The following ZNG1C variants were observed in gnomAD, a reference collection of about 807,000 sequenced individuals.
The protein encoded by ZNG1C is Zn regulated GTPase metalloprotein activator 1C.
chr9:68,244,705 T>C, the ZNG1C span, among the ~76,000 whole-genome samples: 1 of 118,728 alleles, frequency 8.4e-6, no homozygotes, highest in Non-Finnish European at 1.7e-5. Flanking sequence ...GACTTTTTTT[T>C]CTACTGGAGA....
the ZNG1C span, among the ~76,000 whole-genome samples, chr9:68,279,014 A>C: frequency 4.5e-5 from 2 of 44,410 alleles, no homozygotes; most frequent in East Asian, 5.6e-4. Flanking sequence ...ATATATATTT[A>C]GGATAGTTAG....
chr9:68,291,807 G>C, the ZNG1C span, among the ~76,000 whole-genome samples: 1 of 151,520 alleles, frequency 6.6e-6, no homozygotes, highest in Non-Finnish European at 1.5e-5. Flanking sequence ...CACATCACCT[G>C]TTCCTTTCCA....
chr9:68,244,582 G>A, the ZNG1C span, among the ~76,000 whole-genome samples: 11 of 137,404 alleles, frequency 8.0e-5, 2 homozygotes, highest in African/African-American at 2.6e-4. Flanking sequence ...CAAACCAAAT[G>A]TCCAACAAAA....
the ZNG1C span, among the ~76,000 whole-genome samples, chr9:68,247,098 T>C: frequency 6.6e-6 from 1 of 152,206 alleles, no homozygotes; most frequent in Admixed American, 6.5e-5. Flanking sequence ...TCCCTATAAG[T>C]TTAATTTTTA....
chr9:68,284,938 A>T, the ZNG1C span, among the ~76,000 whole-genome samples: 2 of 149,620 alleles, frequency 1.3e-5, no homozygotes, highest in Admixed American at 6.7e-5. Context: ...AGTTTTAGGC[A>T]GTCATTGTCC....
the ZNG1C span, among the ~76,000 whole-genome samples, chr9:68,297,311 C>CCTTT: frequency 8.1e-6 from 1 of 123,174 alleles, no homozygotes; most frequent in South Asian, 2.7e-4. Context: ...TAATGAGGAC[C>CCTTT]CTTTCATCAG....
At chr9:68,278,387 A>C in the ZNG1C span, among the ~76,000 whole-genome samples, 87 of 91,518 alleles carry the variant, frequency 9.5e-4, no homozygotes, top group Non-Finnish European at 1.1e-3. Flanking sequence ...TAGTTCTTTT[A>C]ATTGTGATGT....
the ZNG1C span, among the ~76,000 whole-genome samples, chr9:68,268,545 G>C: frequency 6.6e-6 from 1 of 151,848 alleles, no homozygotes. Context: ...TACCATGTAT[G>C]CCTGAGGAAA....
At chr9:68,276,329 T>A in the ZNG1C span, among the ~76,000 whole-genome samples, 97 of 133,374 alleles carry the variant, frequency 7.3e-4, 1 homozygote, top group East Asian at 0.014. Context: ...TCTGTCAATT[T>A]TGGCTTTTGT....
At chr9:68,249,137 T>G in the ZNG1C span, 1 of 565,696 alleles carries the variant, frequency 1.8e-6, no homozygotes, top group East Asian at 3.1e-5. Context: ...TTGATTGATT[T>G]AGGATTATTT....
the ZNG1C span, among the ~76,000 whole-genome samples, chr9:68,284,944 TGTC>T: frequency 1.3e-5 from 2 of 151,104 alleles, no homozygotes; most frequent in Admixed American, 1.3e-4. Context: ...AGGCAGTCAT[TGTC>T]CAACAACATT....
chr9:68,276,228 C>A, the ZNG1C span, among the ~76,000 whole-genome samples: 3 of 115,588 alleles, frequency 2.6e-5, no homozygotes, highest in Admixed American at 9.3e-5. Flanking sequence ...GAGTAGGTTG[C>A]GAAAATTTTC....
chr9:68,276,107 G>A, the ZNG1C span, among the ~76,000 whole-genome samples: 1 of 150,982 alleles, frequency 6.6e-6, no homozygotes, highest in Non-Finnish European at 1.5e-5. Context: ...GTCTTCTTTT[G>A]AGAAGTGTCT....
chr9:68,246,063 TC>T, the ZNG1C span, among the ~76,000 whole-genome samples: 1 of 150,096 alleles, frequency 6.7e-6, no homozygotes, highest in Non-Finnish European at 1.5e-5. Flanking sequence ...AAACATATGG[TC>T]TTTATCCTCA....
the ZNG1C span, among the ~76,000 whole-genome samples, chr9:68,276,078 G>GT: frequency 1.3e-5 from 2 of 151,950 alleles, no homozygotes; most frequent in Admixed American, 6.6e-5. Context: ...TTTTTCACGT[G>GT]TTTTTTGGTG....
At chr9:68,247,662 T>C in the ZNG1C span, 1 of 1,339,430 alleles carries the variant, frequency 7.5e-7, no homozygotes, top group Non-Finnish European at 1.0e-6. Flanking sequence ...GAGAGCTCTA[T>C]GAAGAGTGGC....
At chr9:68,289,423 A>C in the ZNG1C span, among the ~76,000 whole-genome samples, 72 of 150,410 alleles carry the variant, frequency 4.8e-4, no homozygotes, top group East Asian at 7.0e-3. Flanking sequence ...GAAACCTAGA[A>C]ATAGAAAAAT....
chr9:68,287,368 T>G, the ZNG1C span, among the ~76,000 whole-genome samples: 1,986 of 141,912 alleles, frequency 0.014, no homozygotes, highest in Admixed American at 0.025. Context: ...GATTGGGACT[T>G]GGGTATGTGT....
At chr9:68,266,712 TG>T in the ZNG1C span, among the ~76,000 whole-genome samples, 3 of 124,800 alleles carry the variant, frequency 2.4e-5, no homozygotes, top group Non-Finnish European at 3.3e-5. Context: ...TTTCTTGTTC[TG>T]TTTTTTTTTT....
Sources: gnomAD v4.1 joint callset for allele counts (sites outside exome capture counted in the v4.1 genomes callset) on GRCh38, gnomAD v4.1.1 for gene constraint, MANE v1.5 for transcripts, NCBI Gene and HGNC (gene_info 2026-07-23, HGNC 2026-07-21) for gene names.